The following ATP11A variants were observed in gnomAD, a reference collection of about 807,000 sequenced individuals.
ATP11A encodes ATPase phospholipid transporting 11A.
In ATP11A, 81 loss-of-function variants were observed where a neutral mutation model predicts 154.4. The ratio of observed to expected loss-of-function variants is 0.52; its 90% confidence interval spans 0.44 to 0.63. ATP11A has a LOEUF of 0.63. Among genes scored for constraint, ATP11A ranks in the 30% least tolerant of loss-of-function variants. The pLI is 0.00. For synonymous variants in ATP11A, 623 were observed against 585.9 expected, an observed-to-expected ratio of 1.06 and a Z score of -0.91; for missense variants, 1,316 against 1,474.3, an observed-to-expected ratio of 0.89 and a Z score of 1.76.
At chr13:112,833,753 AC>A (rs1341145484) in intron 14 of ATP11A, among the ~76,000 whole-genome samples, 1 of 152,142 alleles carries the variant, frequency 6.6e-6, no homozygotes, top group Non-Finnish European at 1.5e-5. Flanking sequence ...CCATGCGTAA[AC>A]CCACACATGC....
rs2080936742 is a variant in ATP11A at position 112,883,985 on chromosome 13, CTT to C, written c.*2122_*2123del. On this transcript the variant is annotated 3_prime_UTR_variant, in exon 30 of 30. Coordinates refer to ENST00000375645, the MANE Select transcript of ATP11A (RefSeq NM_015205.3). ...AGTATTTTCATAGCTGTTTATATCT[CTT>C]TTATTCATTTATTTAACATACTGTC... 6.6e-6 allele frequency: 1 copy of C among 152,496 alleles called. No homozygotes were observed. Among genetic ancestry groups the C allele is most frequent in the African/African-American group, 2.4e-5 (1 of 41,454 alleles). The allele number at this position is 152,496 out of a possible 1,614,324, so 9.4% of individuals were successfully genotyped here.
intron 2 of ATP11A, among the ~76,000 whole-genome samples, chr13:112,796,277 C>A (rs1374301917): frequency 6.6e-6 from 1 of 152,160 alleles, no homozygotes; most frequent in East Asian, 1.9e-4. Context: ...GAAGGATGGC[C>A]TCCCACAGAT....
intron 1 of ATP11A, among the ~76,000 whole-genome samples, chr13:112,780,962 G>C (rs2077483786): frequency 6.6e-6 from 1 of 152,104 alleles, no homozygotes. Context: ...TCCTGCCCTG[G>C]AGAGCTTCCC....
chr13:112,736,046 C>G (rs1161211743), intron 1 of ATP11A, among the ~76,000 whole-genome samples: 2 of 152,106 alleles, frequency 1.3e-5, no homozygotes, highest in African/African-American at 4.8e-5. Context: ...CCTTTGTGTT[C>G]GCGTGCCCAG....
At chr13:112,857,999 AG>A (rs2079981390) in intron 21 of ATP11A, 79 bp downstream of exon 21, 1 of 1,563,732 alleles carries the variant, frequency 6.4e-7, no homozygotes, top group Non-Finnish European at 8.8e-7. Flanking sequence ...GGCAGCACGC[AG>A]GTGCATTCAG....
chr13:112,750,795 A>T (rs1481373356), intron 1 of ATP11A, among the ~76,000 whole-genome samples: 1 of 152,236 alleles, frequency 6.6e-6, no homozygotes, highest in African/African-American at 2.4e-5. Context: ...GGGAGAGATG[A>T]CTTCTGACCT....
intron 25 of ATP11A, among the ~76,000 whole-genome samples, chr13:112,870,037 C>T (rs2080463476): frequency 2.0e-5 from 3 of 152,264 alleles, no homozygotes; most frequent in Admixed American, 6.5e-5. Flanking sequence ...GGCCAGGTGT[C>T]CCTGGGGGCA....
At chr13:112,709,341 A>T (rs1031995374) in intron 1 of ATP11A, among the ~76,000 whole-genome samples, 2 of 152,232 alleles carry the variant, frequency 1.3e-5, no homozygotes, top group Non-Finnish European at 2.9e-5. Flanking sequence ...TTTCCTTGTC[A>T]TACCTTGAAA....
At chr13:112,850,974 G>A in intron 17 of ATP11A, 63 bp from the exon 18 acceptor site, 4 of 1,510,998 alleles carry the variant, frequency 2.6e-6, no homozygotes, top group Non-Finnish European at 3.6e-6. Context: ...GAAGGCCGTG[G>A]AGCGTAATAT....
intron 2 of ATP11A, among the ~76,000 whole-genome samples, chr13:112,794,856 A>G (rs2077957394): frequency 6.6e-6 from 1 of 151,880 alleles, no homozygotes; most frequent in African/African-American, 2.4e-5. Flanking sequence ...TGACAGACAG[A>G]GTAAGACCCT....
At chr13:112,861,674 T>C (rs2080106808) in intron 24 of ATP11A, among the ~76,000 whole-genome samples, 1 of 152,230 alleles carries the variant, frequency 6.6e-6, no homozygotes, top group Non-Finnish European at 1.5e-5. Flanking sequence ...TGTGGGATCT[T>C]GACGGCTTGG....
chr13:112,779,504 A>G (rs1042932667), intron 1 of ATP11A, among the ~76,000 whole-genome samples: 2 of 152,190 alleles, frequency 1.3e-5, no homozygotes, highest in Non-Finnish European at 2.9e-5. Flanking sequence ...GTAATTAATT[A>G]TTGTTTAAAA....
chr13:112,877,440 A>G (rs2080763086), intron 28 of ATP11A, among the ~76,000 whole-genome samples: 2 of 151,986 alleles, frequency 1.3e-5, no homozygotes, highest in South Asian at 2.1e-4. Flanking sequence ...TGTGCATGGG[A>G]CACGTGTTCA....
At chr13:112,840,753 C>T (rs754347704) in intron 16 of ATP11A, among the ~76,000 whole-genome samples, 2 of 151,948 alleles carry the variant, frequency 1.3e-5, no homozygotes, top group Non-Finnish European at 2.9e-5. Flanking sequence ...TTAGTGCTTC[C>T]TGGCATCCAG....
At chr13:112,701,983 C>G (rs1015431782) in intron 1 of ATP11A, among the ~76,000 whole-genome samples, 1 of 152,108 alleles carries the variant, frequency 6.6e-6, no homozygotes, top group South Asian at 2.1e-4. Flanking sequence ...ACACACATGC[C>G]TGAGGAGATG....
chr13:112,788,353 C>T (rs1277070324), intron 2 of ATP11A, among the ~76,000 whole-genome samples: 9 of 149,848 alleles, frequency 6.0e-5, no homozygotes, highest in African/African-American at 2.2e-4. Context: ...CTGTGGAGAC[C>T]TACTTAATTC....
chr13:112,730,238 T>A (rs1594452550), intron 1 of ATP11A, among the ~76,000 whole-genome samples: 1 of 152,192 alleles, frequency 6.6e-6, no homozygotes, highest in African/African-American at 2.4e-5. Context: ...TGCCAGGACA[T>A]GGGCAGCCGC....
chr13:112,715,389 TCCCC>T (rs1217314583), intron 1 of ATP11A, among the ~76,000 whole-genome samples: 1 of 16,258 alleles, frequency 6.2e-5, no homozygotes, highest in African/African-American at 1.6e-4. Flanking sequence ...ACCTGGCCGA[TCCCC>T]CCACACCTGG....
At chr13:112,774,218 C>G (rs948889093) in intron 1 of ATP11A, among the ~76,000 whole-genome samples, 1 of 152,222 alleles carries the variant, frequency 6.6e-6, no homozygotes, top group African/African-American at 2.4e-5. Context: ...TTACTTGGGT[C>G]TGGTGCCAGG....
Sources: allele counts gnomAD v4.1 joint callset (sites outside exome capture counted in the v4.1 genomes callset), GRCh38; gene constraint gnomAD v4.1.1; transcripts MANE v1.5; gene names NCBI Gene and HGNC (gene_info 2026-07-23, HGNC 2026-07-21).